SHISAL1: variants seen among roughly 807,000 people sequenced by gnomAD.
The protein encoded by SHISAL1 is shisa like 1.
SHISAL1 carries 9 observed loss-of-function variants against 22.6 expected under a neutral mutation model. The observed-to-expected ratio is 0.40, with a 90% CI of 0.24 to 0.70. SHISAL1 has a LOEUF of 0.70. Ranked by LOEUF, SHISAL1 falls within the 30% of genes least tolerant of loss-of-function variation. The pLI is 0.39. For missense variants in SHISAL1, 246 were observed against 270.6 expected (o/e 0.91, Z 0.64); for synonymous variants, 119 against 115.4 (o/e 1.03, Z -0.20).
intron 4 of SHISAL1, among the ~76,000 whole-genome samples, chr22:44,268,117 G>A (rs1389504098): frequency 1.3e-5 from 2 of 152,208 alleles, no homozygotes; most frequent in East Asian, 3.8e-4. Flanking sequence ...CACTTCTCAG[G>A]GAACTTAGGG....
the SHISAL1 span, among the ~76,000 whole-genome samples, chr22:44,326,326 G>A: frequency 1.3e-5 from 2 of 152,206 alleles, no homozygotes; most frequent in Admixed American, 6.5e-5. Context: ...GAGGAGCTTC[G>A]GAATCTGGCA....
intron 1 of SHISAL1, among the ~76,000 whole-genome samples, chr22:44,302,528 G>T (rs1277612916): frequency 6.6e-6 from 1 of 152,242 alleles, no homozygotes; most frequent in Non-Finnish European, 1.5e-5. Context: ...GGGCCTCTCT[G>T]AGAAGGTGAC....
In SHISAL1 at chr22:44,303,060, C is replaced by T. The variant is rs7410590; in HGVS notation, c.-32-2083G>A. On this transcript the variant is annotated intron_variant, in intron 1 of 4. Transcript: ENST00000381176. ...CTCCCATAGGAGTTGGAAACGGAGG[C>T]TAGGACAGGCCATCTAAGTGCTCTG... Among the ~76,000 whole-genome samples, 504 of 152,070 alleles carry T rather than the reference C, an allele frequency of 3.3e-3. 5 individuals carry two copies. The highest frequency in any genetic ancestry group is 0.021 in the Admixed American group (324 of 15,238).
At chr22:44,253,061 G>T (rs2055059847) in intron 4 of SHISAL1, among the ~76,000 whole-genome samples, 2 of 151,908 alleles carry the variant, frequency 1.3e-5, no homozygotes, top group African/African-American at 2.4e-5. Flanking sequence ...GAGGGATGAT[G>T]GTGATGGTTG....
At chr22:44,286,289 G>T (rs1036069779) in intron 3 of SHISAL1, among the ~76,000 whole-genome samples, 1 of 152,144 alleles carries the variant, frequency 6.6e-6, no homozygotes, top group Admixed American at 6.5e-5. Context: ...CTCCCCCAGG[G>T]GTCCCCTTCA....
chr22:44,260,942 A>T (rs1290041074), intron 4 of SHISAL1, among the ~76,000 whole-genome samples: 1 of 151,840 alleles, frequency 6.6e-6, no homozygotes, highest in African/African-American at 2.4e-5. Flanking sequence ...CTGTTTGGGG[A>T]TGACAAGCAC....
At chr22:44,273,822 C>G (rs2055220583) in intron 4 of SHISAL1, among the ~76,000 whole-genome samples, 1 of 152,108 alleles carries the variant, frequency 6.6e-6, no homozygotes, top group South Asian at 2.1e-4. Flanking sequence ...CAAACCTCAA[C>G]TGTCTTGGGG....
the SHISAL1 span, among the ~76,000 whole-genome samples, chr22:44,325,709 A>G: frequency 6.6e-6 from 1 of 152,046 alleles, no homozygotes; most frequent in Non-Finnish European, 1.5e-5. Context: ...TGGGCTACCC[A>G]AGGGCAGTGG....
At chr22:44,331,090 G>A in the SHISAL1 span, among the ~76,000 whole-genome samples, 1 of 152,130 alleles carries the variant, frequency 6.6e-6, no homozygotes, top group South Asian at 2.1e-4. The surrounding 1 kb of genome is among the most constrained non-coding windows in gnomAD (Gnocchi z 5.2). Flanking sequence ...GGTCCCGGCC[G>A]CCGCGTCCCG....
At chr22:44,315,597 A>G (rs116984137), upstream of SHISAL1, among the ~76,000 whole-genome samples, 2,157 of 152,240 alleles carry the variant, frequency 0.014, 29 homozygotes, top group Non-Finnish European at 0.024. Context: ...ACCAGGCCAT[A>G]TAACATCCTC....
At chr22:44,256,046 T>A (rs1013563951) in intron 4 of SHISAL1, among the ~76,000 whole-genome samples, 5 of 152,210 alleles carry the variant, frequency 3.3e-5, no homozygotes, top group Admixed American at 6.5e-5. Flanking sequence ...ATTCATGCTA[T>A]CTCTGCCTGC....
chr22:44,265,426 G>A (rs577768425), intron 4 of SHISAL1, among the ~76,000 whole-genome samples: 1 of 152,208 alleles, frequency 6.6e-6, no homozygotes, highest in Non-Finnish European at 1.5e-5. Context: ...GCCAACACCT[G>A]AACCCGCTAC....
intron 4 of SHISAL1, among the ~76,000 whole-genome samples, chr22:44,269,062 C>T (rs1260105123): frequency 6.6e-6 from 1 of 152,040 alleles, no homozygotes; most frequent in Non-Finnish European, 1.5e-5. Context: ...TCCCCGACGT[C>T]CTTTCTACTG....
At chr22:44,283,609 T>G (rs1569217157) in intron 4 of SHISAL1, among the ~76,000 whole-genome samples, 1 of 152,166 alleles carries the variant, frequency 6.6e-6, no homozygotes, top group Non-Finnish European at 1.5e-5. Flanking sequence ...AGGTGCTGAG[T>G]GCAGGGTGCT....
At position 44,273,096 on chromosome 22, in the gene SHISAL1, C is replaced by A. The variant is rs1220492326; in HGVS notation, c.599+12332G>T. On this transcript the variant is annotated intron_variant, in intron 4 of 4. Coordinates refer to ENST00000381176, the MANE Select transcript of SHISAL1 (RefSeq NM_001099294.2). ...GGGCAACAGAGCAAGACTCTGTCTC[C>A]AAAAAAAAAACAAAAAAAACCACAT... Among the ~76,000 whole-genome samples, 186 of 141,882 alleles carry A rather than the reference C, an allele frequency of 1.3e-3. 1 individual carries two copies. Among genetic ancestry groups the A allele is most frequent in the African/African-American group, 4.5e-3 (176 of 39,184 alleles). The allele number at this position is 141,882 out of a possible 152,430, so 93.1% of individuals were successfully genotyped here. A position where few individuals can be genotyped will look rare whatever the true frequency, so the allele number is the denominator to read the frequency against.
At chr22:44,312,965 G>C (rs1601809657), upstream of SHISAL1, 1 of 152,448 alleles carries the variant, frequency 6.6e-6, no homozygotes, top group Admixed American at 6.5e-5. Context: ...CCTCAGGGCG[G>C]GGAGTGGGGC....
At chr22:44,292,689 C>G (rs926669385) in intron 3 of SHISAL1, among the ~76,000 whole-genome samples, 1 of 152,208 alleles carries the variant, frequency 6.6e-6, no homozygotes, top group African/African-American at 2.4e-5. Flanking sequence ...ATCCCGCTCC[C>G]CAAGGCTCAT....
At chr22:44,278,380 T>A (rs1304306785) in intron 4 of SHISAL1, among the ~76,000 whole-genome samples, 1 of 152,202 alleles carries the variant, frequency 6.6e-6, no homozygotes, top group Non-Finnish European at 1.5e-5. Context: ...AACTCCCCTT[T>A]ATATAGCTCC....
upstream of SHISAL1, among the ~76,000 whole-genome samples, chr22:44,315,594 C>T (rs1011323070): frequency 2.6e-5 from 4 of 152,176 alleles, no homozygotes; most frequent in African/African-American, 9.7e-5. Flanking sequence ...GACACCAGGC[C>T]ATATAACATC....
Sources: gnomAD v4.1 joint callset for allele counts (sites outside exome capture counted in the v4.1 genomes callset) on GRCh38, gnomAD v4.1.1 for gene constraint, Gnocchi (gnomAD v3.1) non-coding constraint, MANE v1.5 for transcripts, NCBI Gene and HGNC (gene_info 2026-07-23, HGNC 2026-07-21) for gene names.